The following TBC1D19 variants were observed in gnomAD, a reference collection of about 807,000 sequenced individuals.
TBC1D19 encodes TBC1 domain family member 19.
A neutral mutation model predicts 89.0 loss-of-function variants in TBC1D19; 60 were observed. The observed-to-expected ratio is 0.67, with a 90% CI of 0.55 to 0.84. The LOEUF is 0.84. Ranked by LOEUF, TBC1D19 falls within the 40% of genes least tolerant of loss-of-function variation. TBC1D19 has a pLI of 0.00. For missense variants in TBC1D19, 500 were observed against 610.8 expected, an observed-to-expected ratio of 0.82 and a Z score of 1.91; for synonymous variants, 189 against 199.7, an observed-to-expected ratio of 0.95 and a Z score of 0.45.
chr4:26,611,317 G>C (rs1386539063), intron 1 of TBC1D19, among the ~76,000 whole-genome samples: 1 of 151,372 alleles, frequency 6.6e-6, no homozygotes, highest in Non-Finnish European at 1.5e-5. Flanking sequence ...TTTTTTTTAA[G>C]CTATAGGTTT....
intron 4 of TBC1D19, among the ~76,000 whole-genome samples, chr4:26,632,565 G>C (rs1354467590): frequency 6.6e-6 from 1 of 152,048 alleles, no homozygotes; most frequent in Non-Finnish European, 1.5e-5. Context: ...TGGTCTTGCT[G>C]TCTTGCCTGG....
chr4:26,610,813 G>A (rs1225838064), intron 1 of TBC1D19, among the ~76,000 whole-genome samples: 1 of 152,074 alleles, frequency 6.6e-6, no homozygotes, highest in Non-Finnish European at 1.5e-5. Flanking sequence ...ATTCCATGGT[G>A]TATATGTACC....
At chr4:26,695,255 C>T (rs1033321703) in intron 13 of TBC1D19, among the ~76,000 whole-genome samples, 20 of 152,132 alleles carry the variant, frequency 1.3e-4, no homozygotes, top group African/African-American at 4.6e-4. Flanking sequence ...GAAAGGGTAT[C>T]AGTGATTGAA....
At chr4:26,711,797 A>G (rs1359655771) in intron 13 of TBC1D19, among the ~76,000 whole-genome samples, 1 of 152,094 alleles carries the variant, frequency 6.6e-6, no homozygotes, top group African/African-American at 2.4e-5. Context: ...TTTACAATTG[A>G]ACTGTCATTT....
chr4:26,593,342 G>T (rs1267011509), intron 1 of TBC1D19, among the ~76,000 whole-genome samples: 4 of 152,198 alleles, frequency 2.6e-5, no homozygotes, highest in African/African-American at 9.7e-5. Flanking sequence ...ATTAATTCAA[G>T]ATGGATTAAA....
the TBC1D19 span, among the ~76,000 whole-genome samples, chr4:26,822,592 A>G: frequency 1.3e-5 from 2 of 152,054 alleles, no homozygotes; most frequent in Non-Finnish European, 2.9e-5. Context: ...TGGACTATGT[A>G]GGGCCCTTTA....
At chr4:26,777,940 G>C in the TBC1D19 span, among the ~76,000 whole-genome samples, 1 of 152,060 alleles carries the variant, frequency 6.6e-6, no homozygotes, top group Non-Finnish European at 1.5e-5. Flanking sequence ...GGGCGTGGCG[G>C]TACATGCCAG....
intron 15 of TBC1D19, among the ~76,000 whole-genome samples, chr4:26,722,575 G>A (rs1717048841): frequency 6.6e-6 from 1 of 152,028 alleles, no homozygotes; most frequent in African/African-American, 2.4e-5. Flanking sequence ...AATCAGTCTG[G>A]GGCCATTTTA....
At chr4:26,628,920 A>C (rs1220604882) in intron 4 of TBC1D19, among the ~76,000 whole-genome samples, 1 of 152,038 alleles carries the variant, frequency 6.6e-6, no homozygotes, top group Non-Finnish European at 1.5e-5. Context: ...ATATCATGAA[A>C]ATGGCCATAC....
intron 9 of TBC1D19, 92 bp from the exon 10 acceptor site, chr4:26,672,057 T>TTTTCTG (rs1712358054): frequency 1.7e-6 from 1 of 597,858 alleles, no homozygotes; most frequent in Admixed American, 4.5e-5. Flanking sequence ...AATCATTAAA[T>TTTTCTG]GTATCAATAC....
chr4:26,841,383 C>T, the TBC1D19 span, among the ~76,000 whole-genome samples: 1 of 55,884 alleles, frequency 1.8e-5, no homozygotes. Context: ...GAGACTCTGT[C>T]TCAAAAAAAA....
chr4:26,816,535 C>T, the TBC1D19 span, among the ~76,000 whole-genome samples: 1 of 152,082 alleles, frequency 6.6e-6, no homozygotes, highest in Non-Finnish European at 1.5e-5. Flanking sequence ...AGTGGAAAAA[C>T]CTGGCAGAAA....
rs1422112660 is a variant in TBC1D19, at chr4:26,649,816, C to G, written c.480+9629C>G. On this transcript the variant is annotated intron_variant, in intron 7 of 20. Transcript: ENST00000264866. ...CATGTAGGTGTGCTGCACCCATTAA[C>G]TCGTCATTTAACATTAGGTATATCT... Among the ~76,000 whole-genome samples the G allele has an allele frequency of 3.9e-5, 6 of 152,112 alleles. No homozygotes were observed. In the South Asian group the frequency reaches 1.2e-3, roughly 32 times the overall value.
the TBC1D19 span, among the ~76,000 whole-genome samples, chr4:26,856,022 A>T: frequency 6.6e-6 from 1 of 152,116 alleles, no homozygotes; most frequent in African/African-American, 2.4e-5. Context: ...TTTGAAATAG[A>T]CATTAACTGT....
chr4:26,734,966 A>ATATGTATACACATATGTATATGTATG (rs1717899463), intron 15 of TBC1D19, among the ~76,000 whole-genome samples: 2 of 150,338 alleles, frequency 1.3e-5, no homozygotes, highest in African/African-American at 4.9e-5. Context: ...GTATATGTAT[A>ATATGTATACACATATGTATATGTATG]TATGTATACA....
At chr4:26,778,807 A>G in the TBC1D19 span, among the ~76,000 whole-genome samples, 13 of 152,292 alleles carry the variant, frequency 8.5e-5, no homozygotes, top group African/African-American at 3.1e-4. Context: ...GGTTATTTCA[A>G]TCTCCATTAC....
At chr4:26,841,207 A>T in the TBC1D19 span, among the ~76,000 whole-genome samples, 1 of 151,996 alleles carries the variant, frequency 6.6e-6, no homozygotes. Context: ...AGAAACCAAA[A>T]ATACAAAATT....
chr4:26,600,815 A>G (rs979400094), intron 1 of TBC1D19, among the ~76,000 whole-genome samples: 4 of 152,228 alleles, frequency 2.6e-5, no homozygotes, highest in Non-Finnish European at 5.9e-5. Context: ...AGAACTTTCC[A>G]TCTGAAACTA....
At chr4:26,643,404 ATC>A (rs1743687080) in intron 7 of TBC1D19, among the ~76,000 whole-genome samples, 1 of 152,242 alleles carries the variant, frequency 6.6e-6, no homozygotes, top group South Asian at 2.1e-4. Flanking sequence ...ACATACCAGA[ATC>A]TCTGGGACAC....
Sources: gnomAD v4.1 joint callset for allele counts (sites outside exome capture counted in the v4.1 genomes callset) on GRCh38, gnomAD v4.1.1 for gene constraint, MANE v1.5 for transcripts, NCBI Gene and HGNC (gene_info 2026-07-23, HGNC 2026-07-21) for gene names.